USP24: variants seen among roughly 807,000 people sequenced by gnomAD.
USP24 encodes the protein ubiquitin specific peptidase 24, also known as ubiquitin carboxyl-terminal hydrolase 24.
USP24 carries 97 observed loss-of-function variants against 361.6 expected under a neutral mutation model. The observed-to-expected ratio is 0.27, with a 90% CI of 0.23 to 0.32. The LOEUF (loss-of-function observed/expected upper bound fraction) is 0.32, where lower values mean the gene tolerates loss of function less well. Among genes scored for constraint, USP24 ranks in the 10% least tolerant of loss-of-function variants. The probability of loss-of-function intolerance (pLI) is 1.00; values close to 1 mark genes in which losing one functional copy is unlikely to be tolerated. For synonymous variants in USP24, 1,098 were observed against 1,124.6 expected, an observed-to-expected ratio of 0.98 and a Z score of 0.47; for missense variants, 2,353 against 3,165.6, an observed-to-expected ratio of 0.74 and a Z score of 6.16.
chr1:55,075,137 G>C (rs1295325558), intron 63 of USP24, among the ~76,000 whole-genome samples: 1 of 152,072 alleles, frequency 6.6e-6, no homozygotes, highest in Non-Finnish European at 1.5e-5. Flanking sequence ...CTACAGAGTA[G>C]AATGAAAAAT....
At chr1:55,192,590 T>G (rs972854656) in intron 1 of USP24, among the ~76,000 whole-genome samples, 1 of 152,240 alleles carries the variant, frequency 6.6e-6, no homozygotes, top group African/African-American at 2.4e-5. Flanking sequence ...AGGAAAAACA[T>G]GCAAACATGG....
intron 1 of USP24, among the ~76,000 whole-genome samples, chr1:55,213,862 C>A (rs547627262): frequency 9.2e-5 from 14 of 152,220 alleles, no homozygotes; most frequent in African/African-American, 3.4e-4. Flanking sequence ...AGCCATTAGC[C>A]TCAAGACTCC....
intron 41 of USP24, among the ~76,000 whole-genome samples, chr1:55,104,468 G>GA (rs1645720481): frequency 6.6e-6 from 1 of 152,066 alleles, no homozygotes; most frequent in Admixed American, 6.6e-5. Flanking sequence ...GACTTTCTAT[G>GA]AAAAAAATGG....
chr1:55,214,819 G>A lies in USP24; in HGVS notation c.295C>T (p.Pro99Ser). ...GCGTCCACCACCTCGTGGTAGGCGG[G>A]CGGGGGGTCGAAGCCGCCCCCGCCT... ...TGGGGGFDPP[P>S]AYHEVVDAEK... is the part of the protein sequence containing the mutation. The change falls in exon 1 of 68, where the codon CCC becomes TCC. Residue 99 changes from proline to serine, a missense_variant. By Grantham distance (74) the Pro-to-Ser change is moderately conservative. Transcript: ENST00000294383. 1 of 1,223,160 alleles carries A rather than the reference G, an allele frequency of 8.2e-7. No homozygotes were observed. The highest frequency in any genetic ancestry group is 1.0e-6 in the Non-Finnish European group (1 of 973,068). 75.8% of individuals were successfully genotyped at this position (1,223,160 alleles called of 1,614,324 possible).
At chr1:55,153,754 A>G (rs938724184) in intron 16 of USP24, 116 bp downstream of exon 16, 4 of 1,156,282 alleles carry the variant, frequency 3.5e-6, no homozygotes, top group Non-Finnish European at 4.8e-6. Flanking sequence ...ATCAAGTTTA[A>G]TATGAACATT....
rs537828033 is a variant in USP24 at position 55,072,721 on chromosome 1, T to C, written c.7602+65A>G. 1.1e-3 allele frequency: 1,614 copies of C among 1,461,360 alleles called. 6 individuals are homozygous for C. Among genetic ancestry groups the C allele is most frequent in the Non-Finnish European group, 1.4e-3 (1,533 of 1,078,510 alleles). 90.5% of individuals were successfully genotyped at this position (1,461,360 alleles called of 1,614,324 possible). On this transcript the variant is annotated intron_variant, in intron 65 of 67. Transcript: ENST00000294383. ...TCTCCATATTCAGTTCTAGAGATTTTTCCTGACAAGATGTGCTATTATTGA... is the reference window on the plus strand; with the variant it reads ...TCTCCATATTCAGTTCTAGAGATTTCTCCTGACAAGATGTGCTATTATTGA...
At chr1:55,199,149 C>T (rs1404005879) in intron 1 of USP24, among the ~76,000 whole-genome samples, 1 of 152,058 alleles carries the variant, frequency 6.6e-6, no homozygotes, top group Non-Finnish European at 1.5e-5. Flanking sequence ...ATTAGTCAGG[C>T]ATGGTGGCGG....
intron 54 of USP24, among the ~76,000 whole-genome samples, chr1:55,091,181 C>T (rs1179017214): frequency 7.1e-6 from 1 of 141,022 alleles, no homozygotes; most frequent in Non-Finnish European, 1.6e-5. Context: ...GGCCATGGAC[C>T]AGTACCGGCC....
intron 3 of USP24, among the ~76,000 whole-genome samples, chr1:55,172,886 C>T (rs1035557023): frequency 2.0e-5 from 3 of 152,188 alleles, no homozygotes; most frequent in African/African-American, 7.2e-5. Context: ...AACAAATTTA[C>T]CTGAGTTCTC....
chr1:55,119,413 G>T (rs908649127), intron 38 of USP24, among the ~76,000 whole-genome samples: 2 of 152,128 alleles, frequency 1.3e-5, no homozygotes, highest in Admixed American at 6.6e-5. Context: ...CGTGGGATGG[G>T]GGAGGGGGAA....
chr1:55,203,005 G>T (rs754012155), intron 1 of USP24, among the ~76,000 whole-genome samples: 1 of 152,146 alleles, frequency 6.6e-6, no homozygotes, highest in African/African-American at 2.4e-5. Context: ...TTTTACTACC[G>T]TATATTGTAA....
chr1:55,152,161 T>C (rs1647216535), intron 16 of USP24, among the ~76,000 whole-genome samples: 1 of 152,122 alleles, frequency 6.6e-6, no homozygotes, highest in Non-Finnish European at 1.5e-5. Flanking sequence ...CAAGATATTA[T>C]TGTTTAGAAT....
intron 64 of USP24, chr1:55,073,085 G>A: frequency 1.9e-6 from 1 of 516,336 alleles, no homozygotes; most frequent in Non-Finnish European, 3.4e-6. Context: ...TCTTCAATAG[G>A]TCCAGAGTTT....
rs1434614088 is a variant in USP24 at position 55,092,060 on chromosome 1, G to C, written c.6517C>G (p.Leu2173Val). The stretch of plus-strand genomic sequence containing the variant: ...TTTGTCCGTAGATAAGTTTGAAAAA[G>C]GAATTGAATAGCAAGCTGTAAGCTC... ...KVSLQLAIQF[L>V]FQTYLRTKKK... The change falls in exon 54 of 68, where the codon CTT (leucine) becomes GTT (valine). Residue 2173 changes from leucine to valine, a missense_variant. By Grantham distance (32) the Leu-to-Val change is conservative. Coordinates refer to ENST00000294383, the MANE Select transcript of USP24 (RefSeq NM_015306.3). 1.2e-6 allele frequency: 2 copies of C among 1,612,030 alleles called. No homozygotes were observed. Among genetic ancestry groups the C allele is most frequent in the African/African-American group, 1.3e-5 (1 of 74,882 alleles).
rs139377431 is a variant in USP24 at position 55,143,745 on chromosome 1, C to T, written c.2439+382G>A. Among the ~76,000 whole-genome samples, 19 of 152,162 alleles carry T rather than the reference C, an allele frequency of 1.2e-4. No individual in the cohort carries two copies. In the East Asian group the frequency reaches 2.7e-3, roughly 22 times the overall value. ...CTCCCCAAATCCCTGCCACTGTGAT[C>T]CCAGGACGAAGACTGTTCTTGCTTT... On this transcript the variant is annotated intron_variant, in intron 21 of 67. Coordinates refer to ENST00000294383, the MANE Select transcript of USP24 (RefSeq NM_015306.3).
At chr1:55,138,056 C>T (rs111564370) in intron 26 of USP24, among the ~76,000 whole-genome samples, 152 bp from the exon 27 acceptor site, 1 of 151,918 alleles carries the variant, frequency 6.6e-6, no homozygotes, top group East Asian at 1.9e-4. Flanking sequence ...CCTCGTGAGG[C>T]TTCCCTTCTG....
rs1366841497 is a variant in USP24, at chr1:55,081,316, G to A, written c.7078+6C>T. ...ATCTCTTCATTCTAAGATATGTTAAGCTTACCAACATTCCTTTGGGATGAG... is the reference window on the plus strand; with the variant it reads ...ATCTCTTCATTCTAAGATATGTTAAACTTACCAACATTCCTTTGGGATGAG... On this transcript the variant is annotated splice_donor_region_variant and intron_variant, in intron 59 of 67. Coordinates refer to ENST00000294383, the MANE Select transcript of USP24 (RefSeq NM_015306.3). 6.2e-7 allele frequency: 1 copy of A among 1,612,844 alleles called. No individual in the cohort carries two copies. The highest frequency in any genetic ancestry group is 1.1e-5 in the South Asian group (1 of 91,036).
chr1:55,151,097 T>C (rs1291747139), intron 16 of USP24, among the ~76,000 whole-genome samples: 1 of 152,228 alleles, frequency 6.6e-6, no homozygotes, highest in African/African-American at 2.4e-5. Context: ...AGTTCATTGA[T>C]ACTGAAACAT....
intron 1 of USP24, among the ~76,000 whole-genome samples, chr1:55,210,369 G>T (rs1013458720): frequency 6.6e-6 from 1 of 151,292 alleles, no homozygotes; most frequent in Non-Finnish European, 1.5e-5. Context: ...TTACTCTAAA[G>T]CCTTTAAAGG....
Sources: gnomAD v4.1 joint callset for allele counts (sites outside exome capture counted in the v4.1 genomes callset) on GRCh38, gnomAD v4.1.1 for gene constraint, MANE v1.5 for transcripts, NCBI Gene and HGNC (gene_info 2026-07-23, HGNC 2026-07-21) for gene names.